Variants in PLSCR1 observed in about 807,000 individuals in gnomAD.
The protein encoded by PLSCR1 is phospholipid scramblase 1.
Under a neutral mutation model 37.8 loss-of-function variants are expected in PLSCR1, and 17 were observed. That is an observed-to-expected ratio of 0.45 (90% CI 0.31 to 0.68). The LOEUF (loss-of-function observed/expected upper bound fraction) is 0.68. PLSCR1 is among the 30% of genes least tolerant of loss of function. The pLI is 0.06. For synonymous variants in PLSCR1, 116 were observed against 125.9 expected, an observed-to-expected ratio of 0.92 and a Z score of 0.53; for missense variants, 347 against 380.9, an observed-to-expected ratio of 0.91 and a Z score of 0.74.
In PLSCR1 at chr3:146,523,397, A is replaced by G. The variant is rs80236968; in HGVS notation, c.356-1344T>C. On this transcript the variant is annotated intron_variant, in intron 5 of 8. Coordinates refer to ENST00000342435, the MANE Select transcript of PLSCR1 (RefSeq NM_021105.3). ...GCAGGATAGTTTATGTGTAATGTGG[A>G]GGGGAATATAAGAGGATTGCTGTTT... 2.2e-3 allele frequency among the ~76,000 whole-genome samples: 342 copies of G among 152,320 alleles called. 3 individuals carry two copies. The highest frequency in any genetic ancestry group is 7.8e-3 in the African/African-American group (325 of 41,582).
rs2108644250 is a variant in PLSCR1, at chr3:146,528,701, A to C, written c.225T>G (p.Asn75Lys). 1 of 1,606,008 alleles carries C rather than the reference A, an allele frequency of 6.2e-7. No individual in the cohort carries two copies. The highest frequency in any genetic ancestry group is 2.2e-5 in the East Asian group (1 of 44,878). Residue 75 changes from asparagine to lysine, a missense_variant, in exon 4 of 9, where the codon AAT (asparagine) becomes AAG (lysine). Asn to Lys is a moderately conservative substitution (Grantham distance 94). Coordinates refer to ENST00000342435, the MANE Select transcript of PLSCR1 (RefSeq NM_021105.3). Reference sequence around the variant, plus strand: ...GTACCCCTGCAGCTCCAACTGGCTGATTATATACTGGCTGATTATACACTG... The same window carrying C: ...GTACCCCTGCAGCTCCAACTGGCTGCTTATATACTGGCTGATTATACACTG... ...NQPVYNQPVYNQPVGAAGVPW... is the reference protein window; with the variant it reads ...NQPVYNQPVYKQPVGAAGVPW...
rs993756850 is a variant in PLSCR1, at chr3:146,522,785, G to A, written c.356-732C>T. Reference sequence around the variant, plus strand: ...CCTGCTCGTCCCTGGGCAATGGAACGTCTAGGTGTAAAGCCCAATTGTATA... The same window carrying A: ...CCTGCTCGTCCCTGGGCAATGGAACATCTAGGTGTAAAGCCCAATTGTATA... On this transcript the variant is annotated intron_variant, in intron 5 of 8. Coordinates refer to ENST00000342435, the MANE Select transcript of PLSCR1 (RefSeq NM_021105.3). Among the ~76,000 whole-genome samples, 9 of 152,204 alleles carry A rather than the reference G, an allele frequency of 5.9e-5. No homozygotes were observed. In the East Asian group the frequency reaches 1.5e-3, roughly 26 times the overall value.
chr3:146,523,231 A>C (rs535526689), intron 5 of PLSCR1, among the ~76,000 whole-genome samples: 2 of 152,306 alleles, frequency 1.3e-5, no homozygotes, highest in African/African-American at 4.8e-5. Context: ...CCATCCCTTC[A>C]TTATGTGAGA....
chr3:146,518,152 T>A (rs1189135564), intron 7 of PLSCR1, among the ~76,000 whole-genome samples: 1 of 152,200 alleles, frequency 6.6e-6, no homozygotes, highest in African/African-American at 2.4e-5. Context: ...TCCTTCATAA[T>A]TAGGCTTGGC....
At chr3:146,523,030 C>T (rs187074760) in intron 5 of PLSCR1, among the ~76,000 whole-genome samples, 8 of 152,314 alleles carry the variant, frequency 5.3e-5, no homozygotes, top group East Asian at 1.9e-4. Flanking sequence ...TCCCCCTCTC[C>T]GGGAAACGCC....
At chr3:146,518,334 T>G (rs2043973621) in intron 7 of PLSCR1, among the ~76,000 whole-genome samples, 1 of 148,514 alleles carries the variant, frequency 6.7e-6, no homozygotes, top group Non-Finnish European at 1.5e-5. Context: ...TGGAGCAGAT[T>G]GAGGTTAACA....
chr3:146,529,499 G>A (rs2609871), intron 3 of PLSCR1, among the ~76,000 whole-genome samples: 60,933 of 151,168 alleles, frequency 0.4, 12,490 homozygotes, highest in African/African-American at 0.47. Context: ...GTGAAAGCAC[G>A]TCATTTCTTT....
chr3:146,538,879 A>G lies in PLSCR1; in HGVS notation c.-13-2314T>C, dbSNP rs115113298. Among the ~76,000 whole-genome samples the G allele has an allele frequency of 4.1e-3, 619 of 152,302 alleles. 3 individuals are homozygous for G. Among genetic ancestry groups the G allele is most frequent in the African/African-American group, 0.014 (588 of 41,568 alleles). On this transcript the variant is annotated intron_variant, in intron 1 of 8. Coordinates refer to ENST00000342435, the MANE Select transcript of PLSCR1 (RefSeq NM_021105.3). The stretch of plus-strand genomic sequence containing the variant: ...TAGGCTTTCAAGTCCCATGCAAGCC[A>G]GAAATAAAGGATGTGCTGCAAAGAT...
chr3:146,537,762 C>T (rs1230249674), intron 1 of PLSCR1, among the ~76,000 whole-genome samples: 3 of 151,960 alleles, frequency 2.0e-5, no homozygotes, highest in Admixed American at 1.3e-4. Context: ...CCCAACTACT[C>T]GGGAGGTTGA....
intron 5 of PLSCR1, among the ~76,000 whole-genome samples, chr3:146,525,151 T>C (rs1316278699): frequency 3.3e-5 from 5 of 152,206 alleles, no homozygotes; most frequent in Non-Finnish European, 7.3e-5. Context: ...TGACCTCGTA[T>C]ACAAAGGTTT....
At chr3:146,529,480 C>T (rs2044166288) in intron 3 of PLSCR1, among the ~76,000 whole-genome samples, 1 of 151,818 alleles carries the variant, frequency 6.6e-6, no homozygotes, top group East Asian at 1.9e-4. Flanking sequence ...TATAGTGCCA[C>T]TGTTGAAGGT....
Position 146,515,907 on chromosome 3 carries a change from A to T in PLSCR1, c.*138T>A. On this transcript the variant is annotated 3_prime_UTR_variant, in exon 9 of 9. Transcript: ENST00000342435. ...AACCTTTATAAATCAGTTATACAGAAGATAAACTATAATTTGAAAAGCAAA... is the reference window on the plus strand; with the variant it reads ...AACCTTTATAAATCAGTTATACAGATGATAAACTATAATTTGAAAAGCAAA... The T allele has an allele frequency of 1.8e-6, 1 of 555,864 alleles. No homozygotes were observed. Among genetic ancestry groups the T allele is most frequent in the East Asian group, 3.1e-5 (1 of 31,978 alleles). 34.4% of individuals were successfully genotyped at this position (555,864 alleles called of 1,614,324 possible).
Position 146,516,060 on chromosome 3 carries a change from T to C in PLSCR1, c.942A>G (p.Lys314=), listed in dbSNP as rs552677148. ...FFESTGSQEQ[K]SGVW ...CACTAATCCACTACCACACTCCTGATTTTTGTTCCTGGCTGCCAGTGCTTT... is the reference window on the plus strand; with the variant it reads ...CACTAATCCACTACCACACTCCTGACTTTTGTTCCTGGCTGCCAGTGCTTT... Residue 314 remains lysine, a synonymous_variant, in exon 9 of 9, where the codon AAA becomes AAG. Transcript: ENST00000342435. 24 of 1,608,022 alleles carry C rather than the reference T, an allele frequency of 1.5e-5. No homozygotes were observed. The South Asian group carries it at 2.4e-4, about 16-fold the overall frequency.
rs774314493 is a variant in PLSCR1 at position 146,521,537 on chromosome 3, C to T, written c.738+7G>A. On this transcript the variant is annotated splice_region_variant and intron_variant, in intron 7 of 8. Transcript: ENST00000342435. Reference sequence around the variant, plus strand: ...GCAAATCTTATAAACATTATGACATCTCTTACCTCAAAATCAACATCTCCA... The same window carrying T: ...GCAAATCTTATAAACATTATGACATTTCTTACCTCAAAATCAACATCTCCA... The T allele has an allele frequency of 1.2e-6, 2 of 1,610,646 alleles. No individual in the cohort carries two copies. The highest frequency in any genetic ancestry group is 2.7e-5 in the African/African-American group (2 of 74,780).
chr3:146,536,928 T>A (rs1266153626), intron 1 of PLSCR1: 2 of 175,206 alleles, frequency 1.1e-5, no homozygotes, highest in African/African-American at 4.7e-5. Context: ...AAGGAAATGC[T>A]TGGTTCAGTT....
At position 146,521,874 on chromosome 3, in the gene PLSCR1, G is replaced by C. The variant is rs1439405217; in HGVS notation, c.535C>G (p.Leu179Val). Residue 179 changes from leucine to valine, a missense_variant, in exon 6 of 9, where the codon CTA (leucine) becomes GTA (valine). By Grantham distance (32) the Leu-to-Val change is conservative. Transcript: ENST00000342435. ...GQEVITLERP[L>V]RCSSCCCPCC... ...GGACAACAACAGCTGCTACATCTTA[G>C]TGGTCTCTCCAGAGTTATGACTTCT... 6.2e-7 allele frequency: 1 copy of C among 1,613,960 alleles called. No homozygotes were observed. Among genetic ancestry groups the C allele is most frequent in the South Asian group, 1.1e-5 (1 of 91,066 alleles).
intron 8 of PLSCR1, 46 bp from the exon 9 acceptor site, chr3:146,516,147 A>C (rs1464402961): frequency 1.6e-6 from 2 of 1,213,554 alleles, no homozygotes; most frequent in South Asian, 2.6e-5. Flanking sequence ...ACAACAAAAC[A>C]GAGATCAATT....
chr3:146,540,163 A>C (rs1029607453), intron 1 of PLSCR1, among the ~76,000 whole-genome samples: 2 of 152,232 alleles, frequency 1.3e-5, no homozygotes, highest in Admixed American at 1.3e-4. Flanking sequence ...GTACCAAAAA[A>C]TGTAATAAAG....
At chr3:146,533,017 T>C (rs1215135028) in intron 3 of PLSCR1, among the ~76,000 whole-genome samples, 2 of 152,194 alleles carry the variant, frequency 1.3e-5, no homozygotes, top group Admixed American at 1.3e-4. Flanking sequence ...TAAGCAGTCT[T>C]ACTATTTTGA....
Sources: gnomAD v4.1 joint callset for allele counts (sites outside exome capture counted in the v4.1 genomes callset) on GRCh38, gnomAD v4.1.1 for gene constraint, MANE v1.5 for transcripts, NCBI Gene and HGNC (gene_info 2026-07-23, HGNC 2026-07-21) for gene names.